The following TXNDC11 variants were observed in gnomAD, a reference collection of about 807,000 sequenced individuals.
TXNDC11 encodes the protein thioredoxin domain containing 11.
Under a neutral mutation model 78.0 loss-of-function variants are expected in TXNDC11, and 68 were observed. The observed-to-expected ratio is 0.87, with a 90% CI of 0.72 to 1.07. The LOEUF is 1.07. TXNDC11 is among the 50% of genes least tolerant of loss of function. The pLI is 0.00. For synonymous variants in TXNDC11, 571 were observed against 495.2 expected (o/e 1.15, Z -2.03); for missense variants, 1,389 against 1,221.8 (o/e 1.14, Z -2.04).
At chr16:11,742,427 C>T in intron 1 of TXNDC11, 50 bp downstream of exon 1, 1 of 1,332,016 alleles carries the variant, frequency 7.5e-7, no homozygotes, top group South Asian at 1.8e-5. Context: ...CTCCAGGCGG[C>T]AGAGCAAGGG....
chr16:11,685,839 T>C (rs1487039203), intron 10 of TXNDC11, among the ~76,000 whole-genome samples: 1 of 152,248 alleles, frequency 6.6e-6, no homozygotes, highest in Admixed American at 6.5e-5. Flanking sequence ...TTTTTCTCAC[T>C]TGATTCTTAC....
In TXNDC11 at chr16:11,714,496, C is replaced by T. The variant is rs142386801; in HGVS notation, c.793+7081G>A. Among the ~76,000 whole-genome samples the T allele has an allele frequency of 2.3e-3, 354 of 152,160 alleles. 1 individual carries two copies. Among genetic ancestry groups the T allele is most frequent in the Middle Eastern group, 0.01 (3 of 294 alleles). ...CTACTAAAAAATACAAAACATTAGC[C>T]GGGCGTGGTGGCGGGCGCCTGTAGT... On this transcript the variant is annotated intron_variant, in intron 5 of 11. Transcript: ENST00000283033.
At chr16:11,688,014 T>C in intron 9 of TXNDC11, 48 bp from the exon 10 acceptor site, 1 of 1,351,368 alleles carries the variant, frequency 7.4e-7, no homozygotes, top group Middle Eastern at 1.8e-4. Flanking sequence ...AAATGGGCTC[T>C]TCTTCATTTC....
chr16:11,735,940 G>A lies in TXNDC11; in HGVS notation c.471+77C>T, dbSNP rs911725282. On this transcript the variant is annotated intron_variant, in intron 2 of 11. Transcript: ENST00000283033. Reference sequence around the variant, plus strand: ...TTGGCAAAGTCTGCCCGTTGGGCAAGGTGTCTCTGTGGGGACATCCTGCCC... The same window carrying A: ...TTGGCAAAGTCTGCCCGTTGGGCAAAGTGTCTCTGTGGGGACATCCTGCCC... The A allele has an allele frequency of 4.9e-6, 7 of 1,433,472 alleles. No homozygotes were observed. The Admixed American group carries it at 1.0e-4, about 21-fold the overall frequency. The allele number at this position is 1,433,472 out of a possible 1,614,324, so 88.8% of individuals were successfully genotyped here.
At chr16:11,726,393 T>C (rs2051878968) in intron 4 of TXNDC11, among the ~76,000 whole-genome samples, 1 of 151,872 alleles carries the variant, frequency 6.6e-6, no homozygotes, top group African/African-American at 2.4e-5. Flanking sequence ...CCATCCTAGC[T>C]AACAAGGTGA....
intron 7 of TXNDC11, among the ~76,000 whole-genome samples, chr16:11,697,516 G>A (rs2050890858): frequency 6.6e-6 from 1 of 152,180 alleles, no homozygotes; most frequent in South Asian, 2.1e-4. Context: ...TGCTCCGTGT[G>A]GAAAATAAAC....
chr16:11,717,009 A>G (rs1243948626), intron 5 of TXNDC11, among the ~76,000 whole-genome samples: 2 of 152,086 alleles, frequency 1.3e-5, no homozygotes, highest in African/African-American at 4.8e-5. Context: ...ACTGTGCTCT[A>G]TATTTTAAGC....
chr16:11,722,080 C>T (rs2051723975), intron 4 of TXNDC11, among the ~76,000 whole-genome samples: 1 of 152,200 alleles, frequency 6.6e-6, no homozygotes, highest in South Asian at 2.1e-4. Context: ...TTTCTTTTAA[C>T]CTTTCTTAAG....
intron 5 of TXNDC11, among the ~76,000 whole-genome samples, chr16:11,715,661 G>C (rs552338678): frequency 6.6e-6 from 1 of 152,194 alleles, no homozygotes; most frequent in South Asian, 2.1e-4. Flanking sequence ...AGCTGTAGGA[G>C]CAACAAAACA....
chr16:11,712,685 G>T (rs1212665516), intron 5 of TXNDC11, among the ~76,000 whole-genome samples: 1 of 151,998 alleles, frequency 6.6e-6, no homozygotes, highest in East Asian at 1.9e-4. Context: ...GGGCACAGTG[G>T]CTCACCCCTT....
chr16:11,736,253 GAA>G lies in TXNDC11; in HGVS notation c.255-22_255-21del, dbSNP rs754861006. ...GCTCGACTAAAAAAGAGCAAACACAGAAAAGATTGCTTAGTTTATCTTCTTCT... is the reference window on the plus strand; with the variant it reads ...GCTCGACTAAAAAAGAGCAAACACAGAAGATTGCTTAGTTTATCTTCTTCT... On this transcript the variant is annotated intron_variant, in intron 1 of 11. Transcript: ENST00000283033. The G allele has an allele frequency of 6.5e-7, 1 of 1,547,652 alleles. No individual in the cohort carries two copies. The highest frequency in any genetic ancestry group is 1.2e-5 in the South Asian group (1 of 86,808).
At chr16:11,704,622 G>A (rs1597444149) in intron 5 of TXNDC11, among the ~76,000 whole-genome samples, 1 of 152,194 alleles carries the variant, frequency 6.6e-6, no homozygotes, top group East Asian at 1.9e-4. Flanking sequence ...CTATGGTATT[G>A]CTGTCAAAAG....
At chr16:11,692,776 T>C (rs2050756656) in intron 7 of TXNDC11, among the ~76,000 whole-genome samples, 2 of 152,128 alleles carry the variant, frequency 1.3e-5, no homozygotes, top group African/African-American at 2.4e-5. Context: ...CTGGGCCAAA[T>C]GGTACGCTGC....
chr16:11,703,106 G>C (rs2051079530), intron 5 of TXNDC11, among the ~76,000 whole-genome samples: 1 of 152,094 alleles, frequency 6.6e-6, no homozygotes. Flanking sequence ...TAAACAATTA[G>C]TTAAAACCAA....
rs950120333 is a variant in TXNDC11, at chr16:11,691,551, T to C, written c.1639A>G (p.Ser547Gly). Residue 547 changes from serine to glycine, a missense_variant, in exon 8 of 12, where the codon AGC becomes GGC. Physicochemically the swap from Ser to Gly is moderately conservative, Grantham distance 56 (BLOSUM62 0). Transcript: ENST00000283033. Reference protein sequence around the residue: ...LEKKCEVDAPSSVPHIEENRY... With the variant: ...LEKKCEVDAPGSVPHIEENRY... ...TTCTCCTCAATGTGAGGAACGGAGC[T>C]TGGGGCATCAACCTCACATTTCTTC... is the stretch of plus-strand genomic sequence containing the variant. The C allele has an allele frequency of 2.5e-6, 4 of 1,614,254 alleles. No individual in the cohort carries two copies. The highest frequency in any genetic ancestry group is 4.5e-5 in the East Asian group (2 of 44,890).
At chr16:11,720,191 C>T (rs2051660880) in intron 5 of TXNDC11, among the ~76,000 whole-genome samples, 2 of 152,158 alleles carry the variant, frequency 1.3e-5, no homozygotes. Context: ...CACTTAAAAA[C>T]CAGGACACCA....
chr16:11,705,175 G>A (rs2051148158), intron 5 of TXNDC11, among the ~76,000 whole-genome samples: 2 of 152,142 alleles, frequency 1.3e-5, no homozygotes, highest in Admixed American at 6.5e-5. Flanking sequence ...TGAGATTACA[G>A]GTGTGAGCCA....
chr16:11,714,548 G>A (rs990400680), intron 5 of TXNDC11, among the ~76,000 whole-genome samples: 9 of 151,980 alleles, frequency 5.9e-5, no homozygotes, highest in Admixed American at 2.0e-4. Flanking sequence ...GCTGAGGCAG[G>A]AAAATGGCGT....
chr16:11,706,060 C>G (rs1191733151), intron 5 of TXNDC11, among the ~76,000 whole-genome samples: 1 of 152,110 alleles, frequency 6.6e-6, no homozygotes, highest in African/African-American at 2.4e-5. Flanking sequence ...GACTCATACT[C>G]TCCCCTCCTC....
Sources: gnomAD v4.1 joint callset for allele counts (sites outside exome capture counted in the v4.1 genomes callset) on GRCh38, gnomAD v4.1.1 for gene constraint, MANE v1.5 for transcripts, NCBI Gene and HGNC (gene_info 2026-07-23, HGNC 2026-07-21) for gene names.